Variants in ARSG observed in about 807,000 individuals in gnomAD.
The protein encoded by ARSG is ASG.
Under a neutral mutation model 50.5 loss-of-function variants are expected in ARSG, and 37 were observed. The ratio of observed to expected loss-of-function variants is 0.73; its 90% CI spans 0.56 to 0.96. ARSG has a LOEUF of 0.96. Ranked by LOEUF, ARSG falls within the 50% of genes least tolerant of loss-of-function variation. The pLI, the probability that ARSG is intolerant of heterozygous loss-of-function variation, is 0.00. For missense variants in ARSG, 629 were observed against 675.3 expected (o/e 0.93, Z 0.76); for synonymous variants, 225 against 254.6 (o/e 0.88, Z 1.11).
chr17:68,409,806 A>T (rs968100505), intron 11 of ARSG, among the ~76,000 whole-genome samples: 1 of 151,554 alleles, frequency 6.6e-6, no homozygotes, highest in East Asian at 1.9e-4. Flanking sequence ...CTTGAGCAGC[A>T]GTTTGTAGTT....
rs191131593 is a variant in ARSG at position 68,360,220 on chromosome 17, G to A, written c.704+3416G>A. Among the ~76,000 whole-genome samples the A allele has an allele frequency of 1.2e-3, 190 of 152,316 alleles. 1 individual carries two copies. Among genetic ancestry groups the A allele is most frequent in the African/African-American group, 4.4e-3 (184 of 41,570 alleles). On this transcript the variant is annotated intron_variant, in intron 6 of 11. Coordinates refer to ENST00000621439, the MANE Select transcript of ARSG (RefSeq NM_001267727.2). ...AGCTGGTTATTAAGTGAAAAGTCCC[G>A]AGTCCTGTTGGCATTTAACATCACA...
At chr17:68,383,645 C>T (rs1190535928) in intron 8 of ARSG, among the ~76,000 whole-genome samples, 2 of 152,214 alleles carry the variant, frequency 1.3e-5, no homozygotes, top group South Asian at 4.1e-4. Flanking sequence ...CCTAAGCTGA[C>T]GCATAAGTCA....
In ARSG at chr17:68,306,008, CT is replaced by C. The variant is rs111502540; in HGVS notation, c.-551-924del. Among the ~76,000 whole-genome samples, 427 of 146,258 alleles carry C rather than the reference CT, an allele frequency of 2.9e-3. 2 individuals carry two copies. The highest frequency in any genetic ancestry group is 7.4e-3 in the African/African-American group (297 of 40,252). On this transcript the variant is annotated intron_variant, in intron 1 of 11. Transcript: ENST00000621439. ...TGAGAATTTCTTTTTTCTTTTTCTT[CT>C]TTTTTTTTTTGAGATGGAGTTTTGT...
chr17:68,339,708 G>A (rs1479614132), intron 2 of ARSG, among the ~76,000 whole-genome samples: 1 of 152,202 alleles, frequency 6.6e-6, no homozygotes, highest in Non-Finnish European at 1.5e-5. Flanking sequence ...CTGGAAATTA[G>A]ATCTAGAGGT....
chr17:68,262,881 C>T (rs548824452), intron 1 of ARSG, among the ~76,000 whole-genome samples: 3 of 152,242 alleles, frequency 2.0e-5, no homozygotes, highest in South Asian at 2.1e-4. Flanking sequence ...CCCTGCCATG[C>T]GGGCAGATAT....
the ARSG span, among the ~76,000 whole-genome samples, chr17:68,446,295 C>T: frequency 3.9e-5 from 6 of 152,022 alleles, no homozygotes; most frequent in African/African-American, 1.4e-4. Context: ...ATTTTCCCAC[C>T]CCAGCCTCTC....
intron 2 of ARSG, among the ~76,000 whole-genome samples, chr17:68,312,048 C>T (rs1481263568): frequency 6.6e-6 from 1 of 152,146 alleles, no homozygotes; most frequent in Non-Finnish European, 1.5e-5. Flanking sequence ...GATCCACTCG[C>T]CTTGGCCTCC....
intron 4 of ARSG, among the ~76,000 whole-genome samples, chr17:68,348,726 C>A (rs1345903329): frequency 6.6e-6 from 1 of 152,066 alleles, no homozygotes; most frequent in African/African-American, 2.4e-5. Flanking sequence ...CCTGGTTAAT[C>A]TTTTGATTAA....
chr17:68,342,637 G>A (rs1489564966), intron 2 of ARSG, among the ~76,000 whole-genome samples: 1 of 152,112 alleles, frequency 6.6e-6, no homozygotes. Flanking sequence ...TGGGATTACA[G>A]GCGTGAGCCA....
intron 1 of ARSG, among the ~76,000 whole-genome samples, chr17:68,285,086 T>C (rs1325410167): frequency 6.6e-6 from 1 of 152,194 alleles, no homozygotes; most frequent in Non-Finnish European, 1.5e-5. Flanking sequence ...TTGCTGATGA[T>C]GATGCTAAGG....
chr17:68,435,865 G>A, the ARSG span, among the ~76,000 whole-genome samples: 1 of 152,224 alleles, frequency 6.6e-6, no homozygotes, highest in Non-Finnish European at 1.5e-5. Context: ...TAAGCTGTGT[G>A]TCATTTTCTG....
intron 8 of ARSG, among the ~76,000 whole-genome samples, chr17:68,374,081 A>G (rs1201073088): frequency 6.8e-6 from 1 of 147,322 alleles, no homozygotes; most frequent in Non-Finnish European, 1.5e-5. Flanking sequence ...GGTGTGAACC[A>G]GGGAGGCGGA....
the ARSG span, chr17:68,436,381 C>A: frequency 5.0e-6 from 8 of 1,613,524 alleles, no homozygotes; most frequent in Non-Finnish European, 6.8e-6. Context: ...CGTCAACTTA[C>A]CAGGGAGTTT....
At chr17:68,426,251 G>GGGGGT, downstream of ARSG, 1 of 825,454 alleles carries the variant, frequency 1.2e-6, no homozygotes, top group Non-Finnish European at 1.9e-6. Flanking sequence ...GTGGGGAGCG[G>GGGGGT]GGGCTCAAAT....
the ARSG span, among the ~76,000 whole-genome samples, chr17:68,441,527 C>T: frequency 1.3e-5 from 2 of 152,196 alleles, no homozygotes; most frequent in Non-Finnish European, 2.9e-5. Flanking sequence ...ACAGATAAGG[C>T]GACTCCTGGC....
chr17:68,349,233 G>A, intron 4 of ARSG, among the ~76,000 whole-genome samples: 1 of 151,956 alleles, frequency 6.6e-6, no homozygotes, highest in Non-Finnish European at 1.5e-5. Flanking sequence ...AGGAGGTGGA[G>A]GTTGCAGTGA....
intron 1 of ARSG, among the ~76,000 whole-genome samples, chr17:68,272,181 G>A (rs1162935609): frequency 6.6e-6 from 1 of 152,004 alleles, no homozygotes; most frequent in Non-Finnish European, 1.5e-5. Context: ...CAGGTGATCC[G>A]CCCACCTCAG....
intron 8 of ARSG, among the ~76,000 whole-genome samples, chr17:68,383,659 A>G (rs768922332): frequency 7.9e-5 from 12 of 152,186 alleles, no homozygotes; most frequent in Non-Finnish European, 1.6e-4. Context: ...TAAGTCATAC[A>G]TTCCAAAGCC....
At chr17:68,273,859 C>T (rs140056144) in intron 1 of ARSG, 19,793 of 1,545,020 alleles carry the variant, frequency 0.013, 201 homozygotes, top group South Asian at 0.015. Context: ...CTTTAATTTC[C>T]TCCTTCCCCT....
Sources: allele counts gnomAD v4.1 joint callset (sites outside exome capture counted in the v4.1 genomes callset), GRCh38; gene constraint gnomAD v4.1.1; transcripts MANE v1.5; gene names NCBI Gene and HGNC (gene_info 2026-07-23, HGNC 2026-07-21).